The following CECR2 variants were observed in gnomAD, a reference collection of about 807,000 sequenced individuals.
CECR2 encodes CECR2 histone acetyl-lysine reader.
Under a neutral mutation model 154.5 loss-of-function variants are expected in CECR2, and 30 were observed. That is an observed-to-expected ratio of 0.19 (90% confidence interval 0.15 to 0.26). The LOEUF is 0.26. Ranked by LOEUF, CECR2 falls within the 10% of genes least tolerant of loss-of-function variation. The pLI is 1.00. For missense variants in CECR2, 1,743 were observed against 1,829.3 expected, an observed-to-expected ratio of 0.95 and a Z score of 0.86; for synonymous variants, 725 against 683.7, an observed-to-expected ratio of 1.06 and a Z score of -0.94.
intron 9 of CECR2, among the ~76,000 whole-genome samples, chr22:17,529,619 G>T (rs2056322263): frequency 6.6e-6 from 1 of 151,512 alleles, no homozygotes; most frequent in African/African-American, 2.4e-5. Context: ...AGAATGGCGT[G>T]AACCCGGGAG....
At chr22:17,449,679 C>T (rs1052807819) in intron 1 of CECR2, among the ~76,000 whole-genome samples, 13 of 151,600 alleles carry the variant, frequency 8.6e-5, no homozygotes, top group Admixed American at 3.3e-4. Context: ...TTAGTGGCGA[C>T]GGGGTTTCAC....
intron 1 of CECR2, among the ~76,000 whole-genome samples, chr22:17,456,523 G>C (rs1447186706): frequency 1.3e-5 from 2 of 152,184 alleles, no homozygotes; most frequent in African/African-American, 2.4e-5. Flanking sequence ...GTTGGTCACA[G>C]TAGTAACTGT....
chr22:17,465,187 G>A (rs961117278), intron 1 of CECR2, among the ~76,000 whole-genome samples: 22 of 151,776 alleles, frequency 1.4e-4, no homozygotes, highest in Non-Finnish European at 2.6e-4. Context: ...TAGTAAAGAC[G>A]GGGTTTCACC....
chr22:17,505,070 A>G (rs2055813929), intron 7 of CECR2, 54 bp downstream of exon 7: 1 of 1,544,744 alleles, frequency 6.5e-7, no homozygotes, highest in South Asian at 1.2e-5. Flanking sequence ...ATGCTGCATT[A>G]TTTAAGGATT....
At chr22:17,430,772 T>TA (rs2054409149) in intron 1 of CECR2, among the ~76,000 whole-genome samples, 1 of 152,100 alleles carries the variant, frequency 6.6e-6, no homozygotes, top group African/African-American at 2.4e-5. Context: ...TTGGTGGTTT[T>TA]AAAAACAGCT....
chr22:17,363,050 T>TC (rs2062984937), intron 1 of CECR2, among the ~76,000 whole-genome samples: 3 of 149,630 alleles, frequency 2.0e-5, no homozygotes, highest in South Asian at 4.2e-4. Context: ...TCCTTCTTCT[T>TC]TTTTTTTTTG....
At chr22:17,411,091 A>C (rs1046802664) in intron 1 of CECR2, among the ~76,000 whole-genome samples, 3 of 152,126 alleles carry the variant, frequency 2.0e-5, no homozygotes, top group Non-Finnish European at 2.9e-5. Context: ...TATCAGTTGG[A>C]TTCTAAAGTT....
chr22:17,494,303 C>T (rs578258979), intron 2 of CECR2, among the ~76,000 whole-genome samples: 7 of 152,242 alleles, frequency 4.6e-5, no homozygotes, highest in African/African-American at 1.7e-4. Flanking sequence ...TTCTCCATGT[C>T]GGCCTCCCAA....
At chr22:17,477,005 G>A (rs207477898) in intron 1 of CECR2, 1 of 656,058 alleles carries the variant, frequency 1.5e-6, no homozygotes, top group Non-Finnish European at 2.8e-6. Flanking sequence ...CTGTTTAGAT[G>A]ATGTAAGATT....
In CECR2 at chr22:17,555,815, G is replaced by A. The variant is rs1033118835; in HGVS notation, c.*2975G>A. On this transcript the variant is annotated 3_prime_UTR_variant, in exon 19 of 19. Transcript: ENST00000262608. ...GCGTGCCGGCTCTCAGTGGTCCCCA[G>A]GAGGATGGGGATAGCTGAGATCGTG... The A allele has an allele frequency of 6.6e-6, 1 of 152,170 alleles. No homozygotes were observed. The highest frequency in any genetic ancestry group is 2.4e-5 in the African/African-American group (1 of 41,428). The allele number at this position is 152,170 out of a possible 1,614,324, so 9.4% of individuals were successfully genotyped here. A position where few individuals can be genotyped will look rare whatever the true frequency, so the allele number is the denominator to read the frequency against.
At chr22:17,537,834 A>G (rs2056460758) in intron 10 of CECR2, among the ~76,000 whole-genome samples, 2 of 152,114 alleles carry the variant, frequency 1.3e-5, no homozygotes, top group African/African-American at 4.8e-5. Flanking sequence ...TCTCTAATAA[A>G]AATTTTAAAA....
rs755824277 is a variant in CECR2, at chr22:17,537,245, T to TAAC, written c.1238+24_1238+26dup. On this transcript the variant is annotated intron_variant, in intron 10 of 18. Transcript: ENST00000262608. ...AGACTAAAGACCTGTGAGTATTTAG[T>TAAC]AACAACAACAACAGCAGTAGCAACT... The TAAC allele has an allele frequency of 2.5e-6, 4 of 1,613,482 alleles. No individual in the cohort carries two copies. The Admixed American group carries it at 5.0e-5, about 20-fold the overall frequency.
At chr22:17,462,486 G>A (rs1286685269) in intron 1 of CECR2, among the ~76,000 whole-genome samples, 4 of 152,212 alleles carry the variant, frequency 2.6e-5, no homozygotes, top group Non-Finnish European at 5.9e-5. Context: ...ATTGCGAGGA[G>A]TCTTTGGAGG....
chr22:17,524,383 A>G, intron 9 of CECR2, 112 bp downstream of exon 9: 1 of 666,364 alleles, frequency 1.5e-6, no homozygotes, highest in Non-Finnish European at 2.2e-6. Context: ...GTTTCCGGCA[A>G]TTTCTTTTTT....
At chr22:17,439,194 A>G (rs922348109) in intron 1 of CECR2, among the ~76,000 whole-genome samples, 4 of 148,672 alleles carry the variant, frequency 2.7e-5, no homozygotes, top group African/African-American at 9.9e-5. Context: ...GATGTTCCGT[A>G]TAGCTAGTAT....
At chr22:17,502,589 G>A (rs2055758277) in intron 5 of CECR2, among the ~76,000 whole-genome samples, 1 of 152,178 alleles carries the variant, frequency 6.6e-6, no homozygotes, top group African/African-American at 2.4e-5. Context: ...AGATCATGAG[G>A]TCAGGAGTTC....
At chr22:17,417,252 A>C (rs1400987701) in intron 1 of CECR2, among the ~76,000 whole-genome samples, 1 of 152,230 alleles carries the variant, frequency 6.6e-6, no homozygotes, top group Non-Finnish European at 1.5e-5. Flanking sequence ...TATCTTTATA[A>C]CAACTTAAAA....
chr22:17,511,113 C>T (rs1303014882), intron 7 of CECR2, among the ~76,000 whole-genome samples: 1 of 152,172 alleles, frequency 6.6e-6, no homozygotes, highest in African/African-American at 2.4e-5. Context: ...AAGGGAAGGC[C>T]TTTGCTTGTT....
chr22:17,447,462 C>T (rs1476301859), intron 1 of CECR2, among the ~76,000 whole-genome samples: 2 of 151,880 alleles, frequency 1.3e-5, no homozygotes, highest in South Asian at 2.1e-4. Flanking sequence ...TGTTTACAAT[C>T]CTTTAGCTAG....
Sources: allele counts gnomAD v4.1 joint callset (sites outside exome capture counted in the v4.1 genomes callset), GRCh38; gene constraint gnomAD v4.1.1; transcripts MANE v1.5; gene names NCBI Gene and HGNC (gene_info 2026-07-23, HGNC 2026-07-21).